Variants in MICAL3 observed in about 807,000 individuals in gnomAD.
The protein encoded by MICAL3 is [F-actin]-monooxygenase MICAL3.
MICAL3 carries 62 observed loss-of-function variants against 207.4 expected under a neutral mutation model. That is an observed-to-expected ratio of 0.30 (90% CI 0.24 to 0.37). The LOEUF (loss-of-function observed/expected upper bound fraction) is 0.37, where lower values mean the gene tolerates loss of function less well. MICAL3 is among the 10% of genes least tolerant of loss of function. The probability of loss-of-function intolerance (pLI) is 1.00; values close to 1 mark genes in which losing one functional copy is unlikely to be tolerated. For missense variants in MICAL3, 2,368 were observed against 2,635.6 expected, an observed-to-expected ratio of 0.90 and a Z score of 2.22; for synonymous variants, 1,077 against 1,069.3, an observed-to-expected ratio of 1.01 and a Z score of -0.14.
At chr22:17,830,298 G>A (rs1034035246) in intron 21 of MICAL3, among the ~76,000 whole-genome samples, 2 of 152,302 alleles carry the variant, frequency 1.3e-5, no homozygotes, top group East Asian at 1.9e-4. Flanking sequence ...CCTGCGCTAG[G>A]GACACAGGCT....
chr22:17,833,401 G>A lies in MICAL3; in HGVS notation c.2802-1294C>T, dbSNP rs372812767. Among the ~76,000 whole-genome samples the A allele has an allele frequency of 8.5e-5, 13 of 152,364 alleles. No homozygotes were observed. In the East Asian group the frequency reaches 1.5e-3, roughly 18 times the overall value. Reference sequence around the variant, plus strand: ...AAAATCCAAGAAGCATCAGGCACGAGAGGGCATCTGCCCTGACCTCCTGCG... The same window carrying A: ...AAAATCCAAGAAGCATCAGGCACGAAAGGGCATCTGCCCTGACCTCCTGCG... On this transcript the variant is annotated intron_variant, in intron 20 of 31. Transcript: ENST00000441493.
At chr22:17,956,105 A>C (rs1934601169) in intron 1 of MICAL3, among the ~76,000 whole-genome samples, 1 of 152,240 alleles carries the variant, frequency 6.6e-6, no homozygotes, top group Non-Finnish European at 1.5e-5. Context: ...AGGGAGCTGC[A>C]GAGGGCACAC....
chr22:17,916,845 T>G (rs1427157399), intron 1 of MICAL3, among the ~76,000 whole-genome samples: 1 of 152,096 alleles, frequency 6.6e-6, no homozygotes, highest in Non-Finnish European at 1.5e-5. Flanking sequence ...TACATCTCCT[T>G]CTACATCAGT....
intron 29 of MICAL3, among the ~76,000 whole-genome samples, chr22:17,805,969 A>G (rs1198132523): frequency 6.6e-6 from 1 of 152,154 alleles, no homozygotes; most frequent in Non-Finnish European, 1.5e-5. Flanking sequence ...GCCTCAGGTG[A>G]TCCGCCCACC....
At chr22:17,843,114 T>C (rs1179428286) in intron 19 of MICAL3, among the ~76,000 whole-genome samples, 14 of 95,092 alleles carry the variant, frequency 1.5e-4, no homozygotes, top group East Asian at 6.5e-4. Context: ...AAGCGAGACT[T>C]CATCTCAAAA....
intron 16 of MICAL3, among the ~76,000 whole-genome samples, chr22:17,879,050 C>T (rs1641644651): frequency 6.6e-6 from 1 of 152,196 alleles, no homozygotes; most frequent in African/African-American, 2.4e-5. Context: ...ATAGTATGGT[C>T]TTGGAAGGGG....
At chr22:17,951,285 C>T (rs1186953759) in intron 1 of MICAL3, among the ~76,000 whole-genome samples, 1 of 152,090 alleles carries the variant, frequency 6.6e-6, no homozygotes, top group Non-Finnish European at 1.5e-5. Flanking sequence ...GACCCGGGGT[C>T]CGTCATTCAG....
Position 17,841,894 on chromosome 22 carries a change from G to T in MICAL3, c.2729C>A (p.Pro910Gln). 6.3e-7 allele frequency: 1 copy of T among 1,584,246 alleles called. No individual in the cohort carries two copies. Among genetic ancestry groups the T allele is most frequent in the Non-Finnish European group, 8.6e-7 (1 of 1,167,234 alleles). The change falls in exon 20 of 32, where the codon CCG (proline) becomes CAG (glutamine). Residue 910 changes from proline (P) to glutamine (Q), a missense_variant. This residue lies in a region of MICAL3 where 1,770 missense variants were observed against 1,863.2 expected (regional missense o/e 0.95). Transcript: ENST00000441493. This position sits in a 1 kb window ranked among gnomAD's most constrained non-coding sequence, Gnocchi z 4.2. ...LRQAEALQEVPEETQAEHNLS... is the reference protein window; with the variant it reads ...LRQAEALQEVQEETQAEHNLS... ...GTTGTGCTCGGCCTGAGTCTCCTCC[G>T]GTACCTCCTGCAGTGCCTCAGCCTG... is the stretch of plus-strand genomic sequence containing the variant.
chr22:17,790,426 C>T lies in MICAL3; in HGVS notation c.*306G>A, dbSNP rs779871894. On this transcript the variant is annotated 3_prime_UTR_variant, in exon 32 of 32. Coordinates refer to ENST00000441493, the MANE Select transcript of MICAL3 (RefSeq NM_015241.3). ...AATGTGCCAGTGGAAAAAAGGGGCACAGCCAGCACATCCTCAGGGAGCGCG... is the reference window on the plus strand; with the variant it reads ...AATGTGCCAGTGGAAAAAAGGGGCATAGCCAGCACATCCTCAGGGAGCGCG... 8.2e-4 allele frequency: 293 copies of T among 359,438 alleles called. No individual in the cohort carries two copies. The highest frequency in any genetic ancestry group is 1.2e-3 in the Non-Finnish European group (240 of 196,338). The allele number at this position is 359,438 out of a possible 1,614,324, so 22.3% of individuals were successfully genotyped here.
At chr22:17,951,586 G>C (rs1379284985) in intron 1 of MICAL3, among the ~76,000 whole-genome samples, 3 of 151,806 alleles carry the variant, frequency 2.0e-5, no homozygotes, top group African/African-American at 7.3e-5. Flanking sequence ...GACTGCTGAG[G>C]AATAAAATGA....
chr22:17,933,583 C>T (rs1933373295), intron 1 of MICAL3, among the ~76,000 whole-genome samples: 1 of 151,956 alleles, frequency 6.6e-6, no homozygotes, highest in Non-Finnish European at 1.5e-5. Flanking sequence ...AGAGCAAACA[C>T]ATTCAAAAGC....
At chr22:17,991,525 C>T (rs430722) in intron 1 of MICAL3, among the ~76,000 whole-genome samples, 35,423 of 152,020 alleles carry the variant, frequency 0.23, 4,757 homozygotes, top group East Asian at 0.51. Flanking sequence ...AAGCCATGAA[C>T]CCTTCCCCTG....
intron 2 of MICAL3, among the ~76,000 whole-genome samples, chr22:17,905,819 T>C (rs1222676835): frequency 6.6e-6 from 1 of 152,158 alleles, no homozygotes; most frequent in Non-Finnish European, 1.5e-5. Context: ...ATAACTCAGG[T>C]CTTTGCTTGG....
rs377121868 is a variant in MICAL3 at position 17,818,666 on chromosome 22, G to T, written c.3995C>A (p.Ala1332Glu). The T allele has an allele frequency of 6.2e-7, 1 of 1,613,652 alleles. No homozygotes were observed. The highest frequency in any genetic ancestry group is 1.3e-5 in the African/African-American group (1 of 75,066). ...DLVEEFWMKS[A>E]EIRRSLGLTP... ...GAGCCCGAGGCTGCGGCGGATCTCC[G>T]CACTCTTCATCCAGAACTCCTCCAC... Residue 1332 changes from alanine (A) to glutamate (E), a missense_variant, in exon 26 of 32, where the codon GCG becomes GAG. By Grantham distance (107) the Ala-to-Glu change is moderately radical. Transcript: ENST00000441493.
chr22:17,969,401 T>C (rs1230274794), intron 1 of MICAL3, among the ~76,000 whole-genome samples: 1 of 152,200 alleles, frequency 6.6e-6, no homozygotes, highest in Non-Finnish European at 1.5e-5. Context: ...AAATGTAAAA[T>C]GAGCAGTTTG....
chr22:17,921,550 G>A (rs986397486), intron 1 of MICAL3, among the ~76,000 whole-genome samples: 1 of 152,142 alleles, frequency 6.6e-6, no homozygotes, highest in Non-Finnish European at 1.5e-5. Flanking sequence ...GTGCAGTGGT[G>A]CGATCTCAGC....
At chr22:17,798,916 G>A (rs1365449970) in intron 29 of MICAL3, among the ~76,000 whole-genome samples, 1 of 151,922 alleles carries the variant, frequency 6.6e-6, no homozygotes, top group African/African-American at 2.4e-5. Flanking sequence ...CTTGTGATCT[G>A]CCCGCCTCGG....
intron 20 of MICAL3, among the ~76,000 whole-genome samples, chr22:17,837,794 T>C (rs1229937310): frequency 1.3e-5 from 2 of 152,224 alleles, no homozygotes; most frequent in Non-Finnish European, 2.9e-5. Flanking sequence ...CTGACATTCC[T>C]GGCCTCCACC....
At chr22:17,893,502 G>T (rs1053252936) in intron 11 of MICAL3, among the ~76,000 whole-genome samples, 2 of 152,138 alleles carry the variant, frequency 1.3e-5, no homozygotes, top group Non-Finnish European at 2.9e-5. Context: ...GTCTGTACCT[G>T]GTTTCTCTCT....
Sources: gnomAD v4.1 joint callset for allele counts (sites outside exome capture counted in the v4.1 genomes callset) on GRCh38, gnomAD v4.1.1 for gene constraint, gnomAD v4.1.1 regional missense constraint, Gnocchi (gnomAD v3.1) non-coding constraint, MANE v1.5 for transcripts, NCBI Gene and HGNC (gene_info 2026-07-23, HGNC 2026-07-21) for gene names.